Variants in CACNA2D1 observed in about 807,000 individuals in gnomAD.
CACNA2D1 encodes voltage-dependent calcium channel subunit alpha-2/delta-1.
In CACNA2D1, 53 loss-of-function variants were observed where a neutral mutation model predicts 171.5. The observed-to-expected ratio is 0.31, with a 90% confidence interval of 0.25 to 0.39. The LOEUF is 0.39. CACNA2D1 is among the 10% of genes least tolerant of loss of function. The pLI is 1.00. For missense variants in CACNA2D1, 903 were observed against 1,299.8 expected (o/e 0.69, Z 4.69); for synonymous variants, 442 against 443.1 (o/e 1.00, Z 0.03).
At chr7:81,978,510 A>G (rs1051535889) in intron 24 of CACNA2D1, among the ~76,000 whole-genome samples, 43 of 152,096 alleles carry the variant, frequency 2.8e-4, no homozygotes, top group African/African-American at 1.0e-3. Flanking sequence ...GTTCTCACTC[A>G]TAAGTGGGAG....
chr7:82,101,877 C>A (rs1163937284), intron 6 of CACNA2D1, among the ~76,000 whole-genome samples: 1 of 152,040 alleles, frequency 6.6e-6, no homozygotes, highest in African/African-American at 2.4e-5. Flanking sequence ...AGTGGTGTAA[C>A]TGTATCAGTA....
At chr7:82,166,780 G>A (rs1408030640) in intron 4 of CACNA2D1, among the ~76,000 whole-genome samples, 2 of 152,008 alleles carry the variant, frequency 1.3e-5, no homozygotes, top group African/African-American at 4.8e-5. Context: ...GTTTGAACTT[G>A]TAAATGCATG....
chr7:81,998,364 TCA>T (rs770927046), intron 18 of CACNA2D1, among the ~76,000 whole-genome samples: 11 of 152,116 alleles, frequency 7.2e-5, no homozygotes, highest in Non-Finnish European at 1.2e-4. Context: ...AATATAAGCC[TCA>T]CAGACTCTTT....
intron 3 of CACNA2D1, among the ~76,000 whole-genome samples, chr7:82,227,231 A>C (rs1802457821): frequency 6.6e-6 from 1 of 152,334 alleles, no homozygotes; most frequent in South Asian, 2.1e-4. Flanking sequence ...CAAGTCTTCA[A>C]GGTTGGGAAG....
At chr7:82,084,730 G>T (rs947342457) in intron 7 of CACNA2D1, 39 bp downstream of exon 7, 2 of 1,611,154 alleles carry the variant, frequency 1.2e-6, no homozygotes, top group Middle Eastern at 1.7e-4. Context: ...GAAACATTGA[G>T]GCTGGAACTT....
At chr7:82,282,762 C>A (rs1001142198) in intron 3 of CACNA2D1, among the ~76,000 whole-genome samples, 2 of 151,534 alleles carry the variant, frequency 1.3e-5, no homozygotes, top group Non-Finnish European at 2.9e-5. Flanking sequence ...AAAATTGATT[C>A]CTAAGTAAGA....
At position 82,372,755 on chromosome 7, in the gene CACNA2D1, G is replaced by T. The variant is rs1822551489; in HGVS notation, c.96-23106C>A. 4.6e-5 allele frequency among the ~76,000 whole-genome samples: 7 copies of T among 152,016 alleles called. No homozygotes were observed. In the South Asian group the frequency reaches 1.5e-3, roughly 32 times the overall value. ...AATACATGATATCACCCTGTTTTTT[G>T]AAGGACTTGCAAAGAATCTACAGCA... is the stretch of plus-strand genomic sequence containing the variant. On this transcript the variant is annotated intron_variant, in intron 1 of 38. Transcript: ENST00000356860.
chr7:81,996,445 C>A (rs940793635), intron 19 of CACNA2D1, among the ~76,000 whole-genome samples: 1 of 151,684 alleles, frequency 6.6e-6, no homozygotes, highest in African/African-American at 2.4e-5. Flanking sequence ...GGAGTTAATC[C>A]ATCTGGAAAA....
chr7:82,252,891 A>T (rs78135375), intron 3 of CACNA2D1, among the ~76,000 whole-genome samples: 1 of 151,500 alleles, frequency 6.6e-6, no homozygotes, highest in Non-Finnish European at 1.5e-5. Context: ...ATTCGTCAGA[A>T]AAAAAAAAAC....
intron 4 of CACNA2D1, among the ~76,000 whole-genome samples, chr7:82,141,602 A>G (rs1226307936): frequency 1.3e-5 from 2 of 151,990 alleles, no homozygotes; most frequent in Non-Finnish European, 2.9e-5. Context: ...ACGAAGATGA[A>G]TAATATCTAC....
intron 3 of CACNA2D1, among the ~76,000 whole-genome samples, chr7:82,327,689 A>G (rs2129442902): frequency 6.6e-6 from 1 of 152,316 alleles, no homozygotes; most frequent in Middle Eastern, 3.4e-3. Flanking sequence ...TCCTGATTTC[A>G]TCTTGACACT....
chr7:82,208,933 A>G (rs1002617448), intron 3 of CACNA2D1, among the ~76,000 whole-genome samples: 1 of 152,240 alleles, frequency 6.6e-6, no homozygotes, highest in African/African-American at 2.4e-5. Flanking sequence ...TAATAGGTAC[A>G]TAACAGATAT....
intron 3 of CACNA2D1, among the ~76,000 whole-genome samples, chr7:82,324,581 C>T (rs1400784433): frequency 6.6e-6 from 1 of 152,110 alleles, no homozygotes; most frequent in Admixed American, 6.6e-5. Flanking sequence ...TGTTTGGCCC[C>T]AAATTCCTAC....
chr7:82,374,772 A>G (rs1822817501), intron 1 of CACNA2D1, among the ~76,000 whole-genome samples: 1 of 142,800 alleles, frequency 7.0e-6, no homozygotes, highest in East Asian at 2.1e-4. Flanking sequence ...AACACACTAA[A>G]CAAACAAAAA....
chr7:82,050,008 T>G (rs1805007550), intron 10 of CACNA2D1, among the ~76,000 whole-genome samples: 1 of 152,144 alleles, frequency 6.6e-6, no homozygotes, highest in African/African-American at 2.4e-5. Context: ...TGTGCAGCAA[T>G]TTACAATTGT....
intron 3 of CACNA2D1, among the ~76,000 whole-genome samples, chr7:82,334,075 G>T (rs1817698177): frequency 6.6e-6 from 1 of 151,888 alleles, no homozygotes; most frequent in African/African-American, 2.4e-5. Flanking sequence ...CACTGAAGAG[G>T]AAACAAGAAA....
At chr7:82,108,175 C>T (rs1190531543) in intron 6 of CACNA2D1, among the ~76,000 whole-genome samples, 1 of 152,084 alleles carries the variant, frequency 6.6e-6, no homozygotes, top group East Asian at 1.9e-4. Context: ...TTAACTGAAA[C>T]ATACTTGTGA....
In CACNA2D1 at chr7:82,060,503, T is replaced by A. The variant is rs1165761695; in HGVS notation, c.804A>T (p.Thr268=). ...VDVSGSVSGL[T]LKLIRTSVSE... is the part of the protein sequence containing the mutation. Reference sequence around the variant, plus strand: ...AGACAGATGTTCGGATCAGTTTAAGTGTCAATCCACTAACACTTCCACTCC... The same window carrying A: ...AGACAGATGTTCGGATCAGTTTAAGAGTCAATCCACTAACACTTCCACTCC... The change falls in exon 10 of 39, where the codon ACA becomes ACT. Residue 268 remains threonine, a synonymous_variant. Transcript: ENST00000356860. The A allele has an allele frequency of 6.2e-7, 1 of 1,608,554 alleles. No homozygotes were observed. The highest frequency in any genetic ancestry group is 8.5e-7 in the Non-Finnish European group (1 of 1,176,860).
chr7:82,148,827 G>A (rs1793456715), intron 4 of CACNA2D1, among the ~76,000 whole-genome samples: 1 of 152,060 alleles, frequency 6.6e-6, no homozygotes, highest in Admixed American at 6.6e-5. Flanking sequence ...AAAAGAGGCA[G>A]GGTTTCACCA....
Sources: gnomAD v4.1 joint callset for allele counts (sites outside exome capture counted in the v4.1 genomes callset) on GRCh38, gnomAD v4.1.1 for gene constraint, MANE v1.5 for transcripts, NCBI Gene and HGNC (gene_info 2026-07-23, HGNC 2026-07-21) for gene names.